INTS9: variants seen among roughly 807,000 people sequenced by gnomAD.
INTS9 encodes integrator complex subunit 9, also known as protein related to CPSF subunits of 74 kDa.
In INTS9, 55 loss-of-function variants were observed where a neutral mutation model predicts 79.7. The observed-to-expected ratio is 0.69, with a 90% CI of 0.56 to 0.86. INTS9 has a LOEUF of 0.86. INTS9 is among the 40% of genes least tolerant of loss of function. The probability of loss-of-function intolerance (pLI) is 0.00; values close to 1 mark genes in which losing one functional copy is unlikely to be tolerated. For synonymous variants in INTS9, 319 were observed against 325.2 expected (o/e 0.98, Z 0.20); for missense variants, 721 against 831.5 (o/e 0.87, Z 1.64).
At chr8:28,775,659 T>C in intron 14 of INTS9, 100 bp downstream of exon 14, 1 of 1,313,112 alleles carries the variant, frequency 7.6e-7, no homozygotes, top group Admixed American at 2.0e-5. Context: ...GCCTGGTTCA[T>C]TTATACTTGA....
rs891296257 is a variant in INTS9 at position 28,880,321 on chromosome 8, C to T, written c.9+9553G>A. Among the ~76,000 whole-genome samples, 20 of 150,420 alleles carry T rather than the reference C, an allele frequency of 1.3e-4. No individual in the cohort carries two copies. The East Asian group carries it at 2.2e-3, about 16-fold the overall frequency. On this transcript the variant is annotated intron_variant, in intron 1 of 16. Transcript: ENST00000521022. Reference sequence around the variant, plus strand: ...CCTCTGATGCCGAGCCAAAGCTGGACGGTACTGCTGCCATCTCAGCTCACT... The same window carrying T: ...CCTCTGATGCCGAGCCAAAGCTGGATGGTACTGCTGCCATCTCAGCTCACT...
At chr8:28,780,736 T>G in intron 12 of INTS9, 87 bp downstream of exon 12, 1 of 1,540,964 alleles carries the variant, frequency 6.5e-7, no homozygotes, top group South Asian at 1.2e-5. Flanking sequence ...CACTGCAAAA[T>G]CCTTCCCTGG....
At chr8:28,883,641 A>G (rs755857909) in intron 1 of INTS9, among the ~76,000 whole-genome samples, 3 of 152,236 alleles carry the variant, frequency 2.0e-5, no homozygotes, top group Admixed American at 6.5e-5. Context: ...CCTGAGCCCA[A>G]GGGTATCTCT....
intron 14 of INTS9, 120 bp downstream of exon 14, chr8:28,775,639 A>C: frequency 1.9e-6 from 2 of 1,062,542 alleles, no homozygotes; most frequent in Non-Finnish European, 2.8e-6. Context: ...GGCGTGAGCT[A>C]CTGCGCGCAG....
chr8:28,813,555 A>G lies in INTS9; in HGVS notation c.546T>C (p.Tyr182=), dbSNP rs1805287656. The change falls in exon 7 of 17, where the codon TAT becomes TAC. Residue 182 remains tyrosine, a synonymous_variant. Transcript: ENST00000521022. ...AVEVSTWRRC[Y]TMQEVNSALS... Reference sequence around the variant, plus strand: ...GGGCAGAGTTCACCTCTTGCATTGTATAGCATCTTCTCCAGGTTGAGACTT... The same window carrying G: ...GGGCAGAGTTCACCTCTTGCATTGTGTAGCATCTTCTCCAGGTTGAGACTT... 3 of 1,613,646 alleles carry G rather than the reference A, an allele frequency of 1.9e-6. No individual in the cohort carries two copies. Among genetic ancestry groups the G allele is most frequent in the South Asian group, 1.1e-5 (1 of 91,066 alleles).
chr8:28,824,327 G>C (rs905095523), intron 6 of INTS9, among the ~76,000 whole-genome samples: 4 of 152,166 alleles, frequency 2.6e-5, no homozygotes, highest in African/African-American at 7.2e-5. Flanking sequence ...CCAATACATT[G>C]AGGATAAAAT....
intron 13 of INTS9, among the ~76,000 whole-genome samples, chr8:28,776,427 G>GTTTTTT (rs72163162): frequency 1.2e-5 from 1 of 85,376 alleles, no homozygotes; most frequent in Non-Finnish European, 2.4e-5. Context: ...CAGAGGCAGA[G>GTTTTTT]TTTTTTTTTT....
rs241187 is a variant in INTS9 at position 28,787,754 on chromosome 8, C to T, written c.1098+75G>A. ...TTACACAGCAATCTATTTCATCTAA[C>T]GACCTGCTGTCTGCATCTGCATCAG... On this transcript the variant is annotated intron_variant, in intron 11 of 16. Coordinates refer to ENST00000521022, the MANE Select transcript of INTS9 (RefSeq NM_018250.4). The T allele has an allele frequency of 0.58, 595,347 of 1,023,214 alleles. 182,134 individuals carry two copies. Among genetic ancestry groups the T allele is most frequent in the Non-Finnish European group, 0.65 (426,184 of 658,306 alleles). 63.4% of individuals were successfully genotyped at this position (1,023,214 alleles called of 1,614,324 possible).
At chr8:28,800,932 A>G (rs1804479451) in intron 8 of INTS9, among the ~76,000 whole-genome samples, 1 of 152,266 alleles carries the variant, frequency 6.6e-6, no homozygotes, top group Non-Finnish European at 1.5e-5. Flanking sequence ...AAGCGTGGAA[A>G]GAAACAGGTG....
chr8:28,798,342 A>G (rs1008919890), intron 8 of INTS9: 19 of 152,262 alleles, frequency 1.2e-4, no homozygotes, highest in African/African-American at 4.6e-4. Flanking sequence ...CAAGGCATCA[A>G]TGGATAGCAC....
intron 1 of INTS9, among the ~76,000 whole-genome samples, chr8:28,863,788 C>CA (rs939413643): frequency 1.3e-5 from 2 of 152,068 alleles, no homozygotes; most frequent in Non-Finnish European, 2.9e-5. Context: ...TCTCAAAAAA[C>CA]AAAAACAAAA....
At position 28,859,499 on chromosome 8, in the gene INTS9, A is replaced by T; in HGVS notation, c.74T>A (p.Met25Lys). Residue 25 changes from methionine to lysine, a missense_variant, in exon 2 of 17, where the codon ATG (methionine) becomes AAG (lysine). Physicochemically the swap from Met to Lys is moderately conservative, Grantham distance 95 (BLOSUM62 -1). Transcript: ENST00000521022. ...AGTCATGTCCAGTCCGCAGTCCAAC[A>T]TAATGGTGGTTGATTTGAATTTGAG... ...NVLKFKSTTI[M>K]LDCGLDMTST... 6.2e-7 allele frequency: 1 copy of T among 1,614,212 alleles called. No individual in the cohort carries two copies. The highest frequency in any genetic ancestry group is 1.1e-5 in the South Asian group (1 of 91,090).
intron 10 of INTS9, among the ~76,000 whole-genome samples, chr8:28,789,909 A>G (rs241182): frequency 0.55 from 83,746 of 151,736 alleles, 24,434 homozygotes; most frequent in Non-Finnish European, 0.66. Flanking sequence ...CCAACACTCC[A>G]AACCCCAACA....
intron 1 of INTS9, among the ~76,000 whole-genome samples, chr8:28,879,952 C>T (rs768847952): frequency 3.3e-5 from 5 of 151,872 alleles, no homozygotes; most frequent in African/African-American, 4.8e-5. Flanking sequence ...AAATCTGGAT[C>T]GTGGTGAATG....
At chr8:28,818,512 A>G (rs1805635246) in intron 6 of INTS9, among the ~76,000 whole-genome samples, 3 of 152,200 alleles carry the variant, frequency 2.0e-5, no homozygotes, top group African/African-American at 4.8e-5. Flanking sequence ...CCACTTGATC[A>G]TGGTAGATAA....
chr8:28,861,984 C>T (rs904234977), intron 1 of INTS9: 68 of 612,354 alleles, frequency 1.1e-4, no homozygotes, highest in Non-Finnish European at 1.3e-4. Context: ...AGACACACAG[C>T]GAGGTCCCTC....
rs1463786851 is a variant in INTS9 at position 28,773,652 on chromosome 8, T to C, written c.1563+2107A>G. Among the ~76,000 whole-genome samples the C allele has an allele frequency of 2.0e-5, 3 of 149,974 alleles. No individual in the cohort carries two copies. The East Asian group carries it at 6.0e-4, about 30-fold the overall frequency. On this transcript the variant is annotated intron_variant, in intron 14 of 16. Coordinates refer to ENST00000521022, the MANE Select transcript of INTS9 (RefSeq NM_018250.4). The stretch of plus-strand genomic sequence containing the variant: ...CTGCAACCTCAGCCTCCCGAGTAGC[T>C]GCGATTACAGGCGCCTGCCACCACG...
At chr8:28,772,292 C>T (rs952023442) in intron 14 of INTS9, among the ~76,000 whole-genome samples, 3 of 151,982 alleles carry the variant, frequency 2.0e-5, no homozygotes, top group African/African-American at 7.3e-5. Flanking sequence ...TGGGAGGCCA[C>T]GGTGGGCAGA....
chr8:28,811,689 G>A (rs1805157310), intron 8 of INTS9, among the ~76,000 whole-genome samples: 1 of 152,118 alleles, frequency 6.6e-6, no homozygotes, highest in South Asian at 2.1e-4. Context: ...CCAAAATGAT[G>A]GGATTACAGG....
Sources: gnomAD v4.1 joint callset for allele counts (sites outside exome capture counted in the v4.1 genomes callset) on GRCh38, gnomAD v4.1.1 for gene constraint, MANE v1.5 for transcripts, NCBI Gene and HGNC (gene_info 2026-07-23, HGNC 2026-07-21) for gene names.